The following TMEM132D variants were observed in gnomAD, a reference collection of about 807,000 sequenced individuals.
TMEM132D encodes the protein transmembrane protein 132D, also known as mature OL transmembrane protein.
A neutral mutation model predicts 62.3 loss-of-function variants in TMEM132D; 21 were observed. The observed-to-expected ratio is 0.34, with a 90% CI of 0.24 to 0.49. The LOEUF (loss-of-function observed/expected upper bound fraction) is 0.49, where lower values mean the gene tolerates loss of function less well. Among genes scored for constraint, TMEM132D ranks in the 20% least tolerant of loss-of-function variants. The pLI, the probability that TMEM132D is intolerant of heterozygous loss-of-function variation, is 0.99. For synonymous variants in TMEM132D, 621 were observed against 575.6 expected, an observed-to-expected ratio of 1.08 and a Z score of -1.13; for missense variants, 1,346 against 1,402.8, an observed-to-expected ratio of 0.96 and a Z score of 0.65.
chr12:129,546,478 G>A (rs184438658), intron 2 of TMEM132D, among the ~76,000 whole-genome samples: 157 of 152,156 alleles, frequency 1.0e-3, no homozygotes, highest in African/African-American at 3.7e-3. Flanking sequence ...TTTAGAGCAC[G>A]TATATTAACA....
rs536275053 is a variant in TMEM132D, at chr12:129,517,863, G to A, written c.1115+13196C>T. Among the ~76,000 whole-genome samples the A allele has an allele frequency of 3.5e-4, 53 of 152,286 alleles. 1 individual carries two copies. Among genetic ancestry groups the A allele is most frequent in the African/African-American group, 1.2e-3 (49 of 41,554 alleles). ...GCTTCTTTCTGATGATATTTATGCT[G>A]TAAAAGAAAATTCGACTTCTAATAC... On this transcript the variant is annotated intron_variant, in intron 3 of 8. Coordinates refer to ENST00000422113, the MANE Select transcript of TMEM132D (RefSeq NM_133448.3).
At chr12:129,423,352 T>C (rs557065369) in intron 3 of TMEM132D, among the ~76,000 whole-genome samples, 5 of 152,076 alleles carry the variant, frequency 3.3e-5, no homozygotes, top group Non-Finnish European at 7.4e-5. Flanking sequence ...GCTGAGTGCC[T>C]ATAGCCGCTG....
rs762299343 is a variant in TMEM132D at position 129,074,577 on chromosome 12, TTTC to T, written c.2595_2597del (p.Lys866del). ...TGTCATCTAAAAGGCTTTCCTGGCC[TTTC>T]TTCTTCTGCAGGATGGACCTGTCTG... On this transcript the variant is annotated inframe_deletion, in exon 9 of 9. Transcript: ENST00000422113. The T allele has an allele frequency of 4.8e-5, 77 of 1,613,948 alleles. No individual in the cohort carries two copies. The highest frequency in any genetic ancestry group is 6.3e-5 in the Non-Finnish European group (74 of 1,180,020).
At chr12:129,411,250 C>T (rs1475673031) in intron 3 of TMEM132D, among the ~76,000 whole-genome samples, 8 of 152,212 alleles carry the variant, frequency 5.3e-5, no homozygotes, top group African/African-American at 1.7e-4. Context: ...TTGATGAATT[C>T]GTTATCACCA....
intron 4 of TMEM132D, among the ~76,000 whole-genome samples, chr12:129,295,342 C>T (rs894560360): frequency 1.3e-5 from 2 of 151,998 alleles, no homozygotes; most frequent in African/African-American, 2.4e-5. Context: ...CACTACAGAA[C>T]GCTGCCGGCT....
chr12:129,209,637 G>A lies in TMEM132D; in HGVS notation c.1326C>T (p.Ile442=), dbSNP rs746211508. 6.2e-7 allele frequency: 1 copy of A among 1,614,174 alleles called. No individual in the cohort carries two copies. The highest frequency in any genetic ancestry group is 1.1e-5 in the South Asian group (1 of 91,082). Residue 442 remains isoleucine (I), a synonymous_variant, in exon 5 of 9, where the codon ATC becomes ATT. Transcript: ENST00000422113. ...AMEAEILNTA[I]LTGKTVAVPV... is the part of the protein sequence containing the mutation. ...GGACGGCCACCGTCTTCCCCGTGAG[G>A]ATGGCTGTGTTCAGGATTTCTGCCT...
intron 3 of TMEM132D, among the ~76,000 whole-genome samples, chr12:129,463,572 C>T (rs997299950): frequency 2.0e-5 from 3 of 151,850 alleles, no homozygotes; most frequent in African/African-American, 4.8e-5. Flanking sequence ...GTGCTGCACC[C>T]ATTAACTCGT....
At chr12:129,633,984 A>G (rs1424994174) in intron 2 of TMEM132D, among the ~76,000 whole-genome samples, 9 of 152,134 alleles carry the variant, frequency 5.9e-5, no homozygotes, top group African/African-American at 2.2e-4. Flanking sequence ...CCCCCAACAT[A>G]TATCTCCGTG....
chr12:129,231,574 C>T (rs1485671299), intron 4 of TMEM132D, among the ~76,000 whole-genome samples: 1 of 152,160 alleles, frequency 6.6e-6, no homozygotes, highest in Non-Finnish European at 1.5e-5. Context: ...CTTTGTGATA[C>T]ATCATTATTA....
intron 4 of TMEM132D, 56 bp downstream of exon 4, chr12:129,337,578 G>A (rs1421325294): frequency 2.9e-5 from 47 of 1,600,734 alleles, no homozygotes; most frequent in Middle Eastern, 1.7e-4. Context: ...GTGCGGCGCC[G>A]GCGCCTTCCC....
chr12:129,573,075 T>C (rs896033706), intron 2 of TMEM132D, among the ~76,000 whole-genome samples: 1 of 152,144 alleles, frequency 6.6e-6, no homozygotes, highest in African/African-American at 2.4e-5. Flanking sequence ...ATCCATCTGG[T>C]GGGCTCAGGA....
At chr12:129,427,259 C>T (rs1482277187) in intron 3 of TMEM132D, among the ~76,000 whole-genome samples, 1 of 152,120 alleles carries the variant, frequency 6.6e-6, no homozygotes, top group Non-Finnish European at 1.5e-5. Flanking sequence ...ATCATAATCA[C>T]GCAGCATCAT....
chr12:129,736,549 C>T (rs1484399302), intron 1 of TMEM132D, among the ~76,000 whole-genome samples: 1 of 151,698 alleles, frequency 6.6e-6, no homozygotes, highest in African/African-American at 2.4e-5. Flanking sequence ...GGCAGCTGAA[C>T]GTGGAGCTAC....
intron 1 of TMEM132D, among the ~76,000 whole-genome samples, chr12:129,897,884 A>C (rs1875199667): frequency 6.6e-6 from 1 of 152,162 alleles, no homozygotes; most frequent in Non-Finnish European, 1.5e-5. Context: ...CTGCCTGACA[A>C]ACCGCCTGGT....
intron 3 of TMEM132D, among the ~76,000 whole-genome samples, chr12:129,431,578 G>T (rs1445362393): frequency 6.6e-6 from 1 of 152,162 alleles, no homozygotes; most frequent in Non-Finnish European, 1.5e-5. Context: ...CTGCCCTGGT[G>T]CAAGCCAAGG....
intron 3 of TMEM132D, among the ~76,000 whole-genome samples, chr12:129,476,483 G>A (rs897394229): frequency 6.6e-6 from 1 of 152,170 alleles, no homozygotes; most frequent in Non-Finnish European, 1.5e-5. Context: ...ACCTTCCTGA[G>A]GTCACAGAAT....
intron 1 of TMEM132D, among the ~76,000 whole-genome samples, chr12:129,750,834 G>GGC (rs1869976977): frequency 6.6e-6 from 1 of 151,502 alleles, no homozygotes; most frequent in Non-Finnish European, 1.5e-5. Flanking sequence ...GAGGTTTTTG[G>GGC]ATGTTTGCCT....
At chr12:129,499,715 C>T (rs1875069059) in intron 3 of TMEM132D, among the ~76,000 whole-genome samples, 1 of 152,168 alleles carries the variant, frequency 6.6e-6, no homozygotes, top group African/African-American at 2.4e-5. Context: ...TGGGAAAGTC[C>T]ACTTCAGAGG....
chr12:129,754,905 G>A (rs1022471494), intron 1 of TMEM132D, among the ~76,000 whole-genome samples: 1 of 152,194 alleles, frequency 6.6e-6, no homozygotes, highest in East Asian at 1.9e-4. Context: ...AGCAGAAATG[G>A]GTTTGGAAAA....
Sources: allele counts gnomAD v4.1 joint callset (sites outside exome capture counted in the v4.1 genomes callset), GRCh38; gene constraint gnomAD v4.1.1; transcripts MANE v1.5; gene names NCBI Gene and HGNC (gene_info 2026-07-23, HGNC 2026-07-21).